The following PDE10A variants were observed in gnomAD, a reference collection of about 807,000 sequenced individuals.
PDE10A encodes cAMP and cAMP-inhibited cGMP 3',5'-cyclic phosphodiesterase 10A.
Under a neutral mutation model 97.7 loss-of-function variants are expected in PDE10A, and 39 were observed. That is an observed-to-expected ratio of 0.40 (90% CI 0.31 to 0.52). PDE10A has a LOEUF of 0.52. Ranked by LOEUF, PDE10A falls within the 20% of genes least tolerant of loss-of-function variation. PDE10A has a pLI of 0.56. For missense variants in PDE10A, 731 were observed against 1,047.8 expected, an observed-to-expected ratio of 0.70 and a Z score of 4.17; for synonymous variants, 371 against 376.8, an observed-to-expected ratio of 0.98 and a Z score of 0.18.
chr6:165,799,341 TC>T (rs1270384023), intron 1 of PDE10A, among the ~76,000 whole-genome samples: 5 of 152,246 alleles, frequency 3.3e-5, no homozygotes, highest in African/African-American at 1.2e-4. Flanking sequence ...AGGTCATTTT[TC>T]TTTTTTACAA....
intron 1 of PDE10A, among the ~76,000 whole-genome samples, chr6:165,785,563 C>G (rs766373860): frequency 1.3e-5 from 2 of 152,124 alleles, no homozygotes; most frequent in Non-Finnish European, 2.9e-5. Flanking sequence ...AATTCGTATC[C>G]ACTTGTCATT....
At chr6:165,912,731 C>T (rs992672918) in intron 1 of PDE10A, among the ~76,000 whole-genome samples, 9 of 152,052 alleles carry the variant, frequency 5.9e-5, no homozygotes, top group African/African-American at 2.2e-4. Context: ...AAATAAGATG[C>T]CTTTAAATAG....
At chr6:165,925,977 A>G (rs1469558470) in intron 1 of PDE10A, among the ~76,000 whole-genome samples, 1 of 152,230 alleles carries the variant, frequency 6.6e-6, no homozygotes, top group Admixed American at 6.5e-5. Context: ...ATTGGGGGGA[A>G]CTGCAAGAAG....
intron 1 of PDE10A, among the ~76,000 whole-genome samples, chr6:165,673,982 A>AT (rs67045739): frequency 0.58 from 68,386 of 118,216 alleles, 15,786 homozygotes; most frequent in Admixed American, 0.63. Context: ...CTAATTTAAA[A>AT]TTTTTTAAAG....
At chr6:165,876,948 C>G (rs1781360313) in intron 1 of PDE10A, among the ~76,000 whole-genome samples, 1 of 152,156 alleles carries the variant, frequency 6.6e-6, no homozygotes, top group Non-Finnish European at 1.5e-5. Flanking sequence ...TCTAAGTAGT[C>G]ACACTGAAAG....
intron 1 of PDE10A, among the ~76,000 whole-genome samples, chr6:165,567,570 A>G (rs1784835260): frequency 6.6e-6 from 1 of 152,176 alleles, no homozygotes. Flanking sequence ...ACACCTGCTT[A>G]TTACTTCTAC....
chr6:165,843,484 AG>A (rs1177964422), intron 1 of PDE10A, among the ~76,000 whole-genome samples: 3 of 152,212 alleles, frequency 2.0e-5, no homozygotes, highest in Non-Finnish European at 4.4e-5. Context: ...GGAGTCCACA[AG>A]TCCAAGAGCA....
intron 2 of PDE10A, among the ~76,000 whole-genome samples, chr6:165,530,965 ATACATGTCCCAAAAG>A (rs1360493868): frequency 6.6e-6 from 1 of 152,186 alleles, no homozygotes; most frequent in East Asian, 1.9e-4. Context: ...CTCAATCTTT[ATACATGTCCCAAAAG>A]GCCTTGCATG....
intron 1 of PDE10A, among the ~76,000 whole-genome samples, chr6:165,909,743 G>C (rs1782401870): frequency 6.6e-6 from 1 of 152,132 alleles, no homozygotes; most frequent in Non-Finnish European, 1.5e-5. Context: ...TTCTCACTTA[G>C]CTCAGAGCCA....
Position 165,733,859 on chromosome 6 carries a change from A to G in PDE10A, c.-614-190291T>C, listed in dbSNP as rs870447. Among the ~76,000 whole-genome samples the G allele has an allele frequency of 2.5e-3, 326 of 130,968 alleles. 4 individuals are homozygous for G. The highest frequency in any genetic ancestry group is 9.6e-3 in the African/African-American group (306 of 31,722). 85.9% of individuals were successfully genotyped at this position (130,968 alleles called of 152,430 possible). Reference sequence around the variant, plus strand: ...TGTATAGGGACACTGTAAAGTGACAATCTGGTCTAGGAAGAAAAAAAAAAA... The same window carrying G: ...TGTATAGGGACACTGTAAAGTGACAGTCTGGTCTAGGAAGAAAAAAAAAAA... On this transcript the variant is annotated intron_variant, in intron 1 of 19. Transcript: ENST00000366882.
chr6:165,986,836 G>T (rs1785236566), intron 1 of PDE10A, among the ~76,000 whole-genome samples: 1 of 152,064 alleles, frequency 6.6e-6, no homozygotes, highest in Non-Finnish European at 1.5e-5. Context: ...GATTTCAATG[G>T]GTTGCAAGGA....
At chr6:165,918,424 T>C (rs1174947929) in intron 1 of PDE10A, among the ~76,000 whole-genome samples, 2 of 152,222 alleles carry the variant, frequency 1.3e-5, no homozygotes, top group Non-Finnish European at 2.9e-5. Flanking sequence ...TTAATTTATA[T>C]TGAATTGAGA....
chr6:165,820,568 A>C (rs1779539810), intron 1 of PDE10A, among the ~76,000 whole-genome samples: 1 of 152,228 alleles, frequency 6.6e-6, no homozygotes, highest in African/African-American at 2.4e-5. Flanking sequence ...CATCCTGGAA[A>C]GAAGCCTGTA....
At chr6:165,570,967 A>G (rs1785022547) in intron 1 of PDE10A, among the ~76,000 whole-genome samples, 1 of 152,234 alleles carries the variant, frequency 6.6e-6, no homozygotes. Flanking sequence ...AAACACTGTG[A>G]GGATTGGGGT....
rs527295777 is a variant in PDE10A at position 165,618,440 on chromosome 6, G to A, written c.865+43507C>T. On this transcript the variant is annotated intron_variant, in intron 1 of 21. Transcript: ENST00000539869. Reference sequence around the variant, plus strand: ...TTTGGGAATTTCCAGAGGTGGCCACGTGTCCACCATCTCCATCAGCCTTCC... The same window carrying A: ...TTTGGGAATTTCCAGAGGTGGCCACATGTCCACCATCTCCATCAGCCTTCC... Among the ~76,000 whole-genome samples, 5 of 152,198 alleles carry A rather than the reference G, an allele frequency of 3.3e-5. No homozygotes were observed. In the East Asian group the frequency reaches 7.7e-4, roughly 24 times the overall value.
intron 1 of PDE10A, among the ~76,000 whole-genome samples, chr6:165,778,544 A>C (rs1157726003): frequency 1.3e-5 from 2 of 152,158 alleles, no homozygotes; most frequent in African/African-American, 4.8e-5. Flanking sequence ...GCCCAGATGC[A>C]TGCAAGTTTC....
At chr6:165,600,345 G>A (rs1263321914) in intron 1 of PDE10A, among the ~76,000 whole-genome samples, 1 of 152,206 alleles carries the variant, frequency 6.6e-6, no homozygotes, top group African/African-American at 2.4e-5. Context: ...GGAAAATGGA[G>A]TGAATGAGTT....
chr6:165,543,865 T>C (rs1169101418), intron 1 of PDE10A, among the ~76,000 whole-genome samples: 1 of 147,524 alleles, frequency 6.8e-6, no homozygotes, highest in Non-Finnish European at 1.5e-5. Flanking sequence ...CCATTTTTCA[T>C]ATATACGTGT....
chr6:165,652,463 C>T (rs1186847620), intron 1 of PDE10A, among the ~76,000 whole-genome samples: 1 of 152,054 alleles, frequency 6.6e-6, no homozygotes, highest in Non-Finnish European at 1.5e-5. Flanking sequence ...CTAGGATTAC[C>T]GGCAAGAGCC....
Sources: gnomAD v4.1 joint callset for allele counts (sites outside exome capture counted in the v4.1 genomes callset) on GRCh38, gnomAD v4.1.1 for gene constraint, MANE v1.5 for transcripts, NCBI Gene and HGNC (gene_info 2026-07-23, HGNC 2026-07-21) for gene names.